EFL1: variants seen among roughly 807,000 people sequenced by gnomAD.
The protein encoded by EFL1 is elongation factor like GTPase 1.
EFL1 carries 76 observed loss-of-function variants against 126.7 expected under a neutral mutation model. That is an observed-to-expected ratio of 0.60 (90% CI 0.50 to 0.73). The LOEUF (loss-of-function observed/expected upper bound fraction) is 0.73, where lower values mean the gene tolerates loss of function less well. Among genes scored for constraint, EFL1 ranks in the 30% least tolerant of loss-of-function variants. EFL1 has a pLI of 0.00. For missense variants in EFL1, 1,128 were observed against 1,343.2 expected, an observed-to-expected ratio of 0.84 and a Z score of 2.50; for synonymous variants, 410 against 448.4, an observed-to-expected ratio of 0.91 and a Z score of 1.08.
At chr15:82,216,335 A>G (rs1171272582) in intron 14 of EFL1, among the ~76,000 whole-genome samples, 1 of 152,192 alleles carries the variant, frequency 6.6e-6, no homozygotes, top group Non-Finnish European at 1.5e-5. Flanking sequence ...AGTAATTCCA[A>G]TCGAAGCCTC....
chr15:82,162,068 A>T (rs2074029116), intron 16 of EFL1, among the ~76,000 whole-genome samples: 1 of 152,210 alleles, frequency 6.6e-6, no homozygotes, highest in Non-Finnish European at 1.5e-5. Context: ...GCTTAAGCTC[A>T]GGAGTTTAGG....
chr15:82,249,074 TG>T (rs1365034074), intron 4 of EFL1, among the ~76,000 whole-genome samples: 23 of 152,168 alleles, frequency 1.5e-4, no homozygotes, highest in South Asian at 2.1e-4. Context: ...TAACTGGTGA[TG>T]AACTGAGAGT....
chr15:82,226,738 G>T (rs1025046553), intron 11 of EFL1, among the ~76,000 whole-genome samples: 3 of 152,218 alleles, frequency 2.0e-5, no homozygotes, highest in Non-Finnish European at 2.9e-5. Flanking sequence ...TTAAAGTCTT[G>T]AGATTGGGTA....
At chr15:82,228,691 T>A (rs1595996636) in intron 9 of EFL1, among the ~76,000 whole-genome samples, 2 of 152,324 alleles carry the variant, frequency 1.3e-5, no homozygotes, top group East Asian at 3.9e-4. Flanking sequence ...ATTTCTCAAC[T>A]TCCCCATTAA....
intron 18 of EFL1, among the ~76,000 whole-genome samples, chr15:82,149,264 A>C (rs1184334957): frequency 6.6e-6 from 1 of 152,228 alleles, no homozygotes; most frequent in East Asian, 1.9e-4. Flanking sequence ...GAAAAAAATT[A>C]AGTGTATAGA....
intron 7 of EFL1, among the ~76,000 whole-genome samples, chr15:82,237,353 GA>G (rs1458566730): frequency 6.6e-5 from 10 of 152,148 alleles, no homozygotes; most frequent in African/African-American, 2.4e-4. Flanking sequence ...GAAAGGATGT[GA>G]AAAGACTTTT....
At position 82,241,309 on chromosome 15, in the gene EFL1, G is replaced by A. The variant is rs1467389832; in HGVS notation, c.339C>T (p.Cys113=). ...CTTCCACAGCATCTACCACAATGAT[G>A]CATCCATCACAAATGCGAACAGCGG... The part of the protein sequence containing the change: ...VSTAVRICDG[C]IIVVDAVEGV... Residue 113 remains cysteine, a synonymous_variant, in exon 5 of 20, where the codon TGC becomes TGT. Transcript: ENST00000268206. 2 of 1,613,900 alleles carry A rather than the reference G, an allele frequency of 1.2e-6. No homozygotes were observed. Among genetic ancestry groups the A allele is most frequent in the Non-Finnish European group, 1.7e-6 (2 of 1,179,852 alleles).
rs1219345887 is a variant in EFL1 at position 82,240,274 on chromosome 15, C to T, written c.516+144G>A. 6.8e-6 allele frequency: 5 copies of T among 732,516 alleles called. No individual in the cohort carries two copies. In the East Asian group the frequency reaches 8.4e-5, roughly 12 times the overall value. The allele number at this position is 732,516 out of a possible 1,614,324, so 45.4% of individuals were successfully genotyped here. ...TACTGAGAACATGCTTTTTCTATTG[C>T]CTCTCTTGTAGAATAACAGCAACAC... On this transcript the variant is annotated intron_variant, in intron 6 of 19. Coordinates refer to ENST00000268206, the MANE Select transcript of EFL1 (RefSeq NM_024580.6).
chr15:82,253,964 A>C (rs1476664672), intron 3 of EFL1, among the ~76,000 whole-genome samples: 1 of 152,182 alleles, frequency 6.6e-6, no homozygotes, highest in Non-Finnish European at 1.5e-5. Flanking sequence ...AAACTTTTGA[A>C]AAATTCTTAA....
At chr15:82,176,563 A>G (rs951515720) in intron 15 of EFL1, among the ~76,000 whole-genome samples, 1 of 152,216 alleles carries the variant, frequency 6.6e-6, no homozygotes, top group African/African-American at 2.4e-5. Flanking sequence ...ACAATGGTCA[A>G]TATATAAATG....
At chr15:82,151,377 G>T in intron 18 of EFL1, 88 bp downstream of exon 18, 1 of 1,287,752 alleles carries the variant, frequency 7.8e-7, no homozygotes, top group Non-Finnish European at 1.1e-6. Context: ...GACAGAATGA[G>T]ACCCTGTCTC....
intron 8 of EFL1, among the ~76,000 whole-genome samples, chr15:82,230,332 G>T (rs1047562615): frequency 6.6e-6 from 1 of 152,060 alleles, no homozygotes; most frequent in African/African-American, 2.4e-5. Flanking sequence ...AAAGCTCCAA[G>T]AAAAGTATCC....
At chr15:82,141,465 T>C (rs2073786042) in intron 18 of EFL1, among the ~76,000 whole-genome samples, 2 of 150,902 alleles carry the variant, frequency 1.3e-5, no homozygotes, top group South Asian at 4.2e-4. Context: ...AGGTCAAGAG[T>C]TCAAGACCAG....
intron 12 of EFL1, among the ~76,000 whole-genome samples, chr15:82,224,358 C>T (rs2074740656): frequency 6.6e-6 from 1 of 152,196 alleles, no homozygotes; most frequent in Non-Finnish European, 1.5e-5. Context: ...ACAGGCAATA[C>T]ACACAAATAC....
At chr15:82,215,451 T>C (rs1439954509) in intron 14 of EFL1, 1 of 152,096 alleles carries the variant, frequency 6.6e-6, no homozygotes, top group East Asian at 1.9e-4. Flanking sequence ...CAGAGTACAT[T>C]TACAGCAAAA....
At chr15:82,156,029 T>A (rs2073963414) in intron 17 of EFL1, among the ~76,000 whole-genome samples, 1 of 152,214 alleles carries the variant, frequency 6.6e-6, no homozygotes, top group Non-Finnish European at 1.5e-5. Flanking sequence ...TCAGCCTCCT[T>A]ATTATCTTAA....
Position 82,220,219 on chromosome 15 carries a change from G to A in EFL1, c.1303C>T (p.Gln435Ter). Residue 435 changes from glutamine to a stop codon, truncating the protein, a stop_gained, in exon 13 of 20, where the codon CAA (glutamine) becomes TAA (stop). Coordinates refer to ENST00000268206, the MANE Select transcript of EFL1 (RefSeq NM_024580.6). LOFTEE classifies it high-confidence loss of function. ...TCACGTCTCTGAGCAATTTCTTCTT[G>A]AGTGAGAGGCCTACAGGATATCACA... ...LPQNKPRPLTQEEIAQRRERA... is the reference protein window; with the variant it reads ...LPQNKPRPLT 1 of 1,598,826 alleles carries A rather than the reference G, an allele frequency of 6.3e-7. No individual in the cohort carries two copies. The highest frequency in any genetic ancestry group is 1.1e-5 in the South Asian group (1 of 87,960).
At chr15:82,150,807 T>C (rs899002342) in intron 18 of EFL1, among the ~76,000 whole-genome samples, 2 of 152,234 alleles carry the variant, frequency 1.3e-5, no homozygotes, top group Non-Finnish European at 2.9e-5. Context: ...TATTCTTTGA[T>C]CATTTTCAGA....
chr15:82,257,350 C>CTGGT (rs1309506199), intron 3 of EFL1, among the ~76,000 whole-genome samples: 1 of 152,100 alleles, frequency 6.6e-6, no homozygotes, highest in Non-Finnish European at 1.5e-5. Context: ...GATCATCTTG[C>CTGGT]TGGTGTTTTG....
Sources: gnomAD v4.1 joint callset for allele counts (sites outside exome capture counted in the v4.1 genomes callset) on GRCh38, gnomAD v4.1.1 for gene constraint, MANE v1.5 for transcripts, NCBI Gene and HGNC (gene_info 2026-07-23, HGNC 2026-07-21) for gene names.